Variants in FAM76B observed in about 807,000 individuals in gnomAD.
FAM76B encodes protein FAM76B.
FAM76B carries 16 observed loss-of-function variants against 51.8 expected under a neutral mutation model. The observed-to-expected ratio is 0.31, with a 90% confidence interval of 0.21 to 0.47. The LOEUF (loss-of-function observed/expected upper bound fraction) is 0.47. Among genes scored for constraint, FAM76B ranks in the 20% least tolerant of loss-of-function variants. The pLI is 1.00. For missense variants in FAM76B, 342 were observed against 392.6 expected (o/e 0.87, Z 1.09); for synonymous variants, 166 against 129.5 (o/e 1.28, Z -1.91).
intron 9 of FAM76B, among the ~76,000 whole-genome samples, chr11:95,774,985 C>A (rs925321987): frequency 2.7e-5 from 4 of 149,592 alleles, no homozygotes; most frequent in Non-Finnish European, 6.0e-5. Flanking sequence ...TAGCAAATAT[C>A]CTTTGGTGTT....
intron 9 of FAM76B, among the ~76,000 whole-genome samples, chr11:95,773,020 C>T (rs1315053253): frequency 6.6e-6 from 1 of 150,656 alleles, no homozygotes; most frequent in African/African-American, 2.4e-5. Flanking sequence ...AATTTTGAGT[C>T]TGCAAATTTG....
intron 7 of FAM76B, chr11:95,779,325 G>T: frequency 2.0e-6 from 1 of 505,812 alleles, no homozygotes; most frequent in Non-Finnish European, 3.4e-6. Flanking sequence ...AATTAGATTT[G>T]TGTTTCACTG....
Position 95,769,759 on chromosome 11 carries a change from G to C in FAM76B, c.*1802C>G, listed in dbSNP as rs531662196. The stretch of plus-strand genomic sequence containing the variant: ...TTAAGGCATTATCTATCATGGTTGA[G>C]AGTACTAAATTTAAGAAAATTATTA... On this transcript the variant is annotated 3_prime_UTR_variant, in exon 10 of 10. Coordinates refer to ENST00000358780, the MANE Select transcript of FAM76B (RefSeq NM_144664.5). 35 of 151,620 alleles carry C rather than the reference G, an allele frequency of 2.3e-4. No individual in the cohort carries two copies. Among genetic ancestry groups the C allele is most frequent in the Admixed American group, 1.2e-3 (18 of 15,194 alleles). The allele number at this position is 151,620 out of a possible 1,614,324, so 9.4% of individuals were successfully genotyped here. A position where few individuals can be genotyped will look rare whatever the true frequency, so the allele number is the denominator to read the frequency against.
chr11:95,789,614 C>T lies in FAM76B; in HGVS notation c.-136G>A. On this transcript the variant is annotated 5_prime_UTR_variant, in exon 1 of 10. Transcript: ENST00000358780. ...CTGCCTCGCGCCCACCAGGGCCTCGCCGCGAGAGCCCAGGGCCCCGCGGAC... is the reference window on the plus strand; with the variant it reads ...CTGCCTCGCGCCCACCAGGGCCTCGTCGCGAGAGCCCAGGGCCCCGCGGAC... 1.5e-6 allele frequency: 1 copy of T among 665,624 alleles called. No individual in the cohort carries two copies. Among genetic ancestry groups the T allele is most frequent in the African/African-American group, 1.9e-5 (1 of 51,544 alleles). 41.2% of individuals were successfully genotyped at this position (665,624 alleles called of 1,614,324 possible).
At position 95,769,960 on chromosome 11, in the gene FAM76B, A is replaced by T. The variant is rs1463142965; in HGVS notation, c.*1601T>A. 6.6e-6 allele frequency: 1 copy of T among 151,582 alleles called. No individual in the cohort carries two copies. Among genetic ancestry groups the T allele is most frequent in the Non-Finnish European group, 1.5e-5 (1 of 67,612 alleles). 9.4% of individuals were successfully genotyped at this position (151,582 alleles called of 1,614,324 possible). ...TTGAAACACGTCATGTTAAAAAAAA[A>T]TTGTTTCAATCATGTGTTCTTAAGA... On this transcript the variant is annotated 3_prime_UTR_variant, in exon 10 of 10. Coordinates refer to ENST00000358780, the MANE Select transcript of FAM76B (RefSeq NM_144664.5).
chr11:95,780,922 C>A (rs1402771729), intron 5 of FAM76B, among the ~76,000 whole-genome samples: 2 of 151,778 alleles, frequency 1.3e-5, no homozygotes, highest in Non-Finnish European at 2.9e-5. Context: ...ATTGGTTCAG[C>A]TGTAGAAGTT....
chr11:95,784,569 T>C (rs539590927), intron 4 of FAM76B, among the ~76,000 whole-genome samples: 2 of 148,466 alleles, frequency 1.3e-5, no homozygotes, highest in East Asian at 3.9e-4. Context: ...TGTGTGTATA[T>C]ATACACACAC....
chr11:95,776,475 G>C (rs185250596), intron 8 of FAM76B, among the ~76,000 whole-genome samples: 1 of 151,476 alleles, frequency 6.6e-6, no homozygotes, highest in East Asian at 1.9e-4. Context: ...AAAAAGGAAT[G>C]GTCTTTTCAG....
intron 4 of FAM76B, 53 bp downstream of exon 4, chr11:95,786,066 G>A (rs1478634514): frequency 5.1e-6 from 8 of 1,572,108 alleles, no homozygotes; most frequent in Non-Finnish European, 6.9e-6. Flanking sequence ...TTTCCAACTT[G>A]TTTGGCATTT....
At chr11:95,786,096 G>A (rs1292861701) in intron 4 of FAM76B, 23 bp downstream of exon 4, 1 of 1,586,094 alleles carries the variant, frequency 6.3e-7, no homozygotes. Flanking sequence ...TCCAGAAGAT[G>A]TCATAACATA....
Position 95,789,041 on chromosome 11 carries a change from G to C in FAM76B, c.87+351C>G, listed in dbSNP as rs1452646937. The C allele has an allele frequency of 5.1e-6, 7 of 1,380,500 alleles. No individual in the cohort carries two copies. The Admixed American group carries it at 1.4e-4, about 27-fold the overall frequency. The allele number at this position is 1,380,500 out of a possible 1,614,324, so 85.5% of individuals were successfully genotyped here. A position where few individuals can be genotyped will look rare whatever the true frequency, so the allele number is the denominator to read the frequency against. On this transcript the variant is annotated intron_variant, in intron 1 of 9. Transcript: ENST00000358780. ...TCCCCTGCCTCCTGGTGGAAGAAGAGGACAGACCAGGCAGAAAACCGAGAT... is the reference window on the plus strand; with the variant it reads ...TCCCCTGCCTCCTGGTGGAAGAAGACGACAGACCAGGCAGAAAACCGAGAT...
At chr11:95,781,577 T>G (rs1860270692) in intron 5 of FAM76B, among the ~76,000 whole-genome samples, 1 of 152,162 alleles carries the variant, frequency 6.6e-6, no homozygotes, top group South Asian at 2.1e-4. Context: ...TACATCATGC[T>G]AAGACAAATT....
In FAM76B at chr11:95,789,585, C is replaced by A; in HGVS notation, c.-107G>T. The A allele has an allele frequency of 2.1e-6, 2 of 962,260 alleles. No individual in the cohort carries two copies. Among genetic ancestry groups the A allele is most frequent in the South Asian group, 1.7e-5 (1 of 59,846 alleles). The allele number at this position is 962,260 out of a possible 1,614,324, so 59.6% of individuals were successfully genotyped here. ...GCCGCGGGCTCCTCCTCCTCCCCCT[C>A]CCCCTGCCTCGCGCCCACCAGGGCC... On this transcript the variant is annotated 5_prime_UTR_variant, in exon 1 of 10. Coordinates refer to ENST00000358780, the MANE Select transcript of FAM76B (RefSeq NM_144664.5).
intron 9 of FAM76B, among the ~76,000 whole-genome samples, chr11:95,774,380 G>T (rs1273786465): frequency 6.6e-6 from 1 of 151,398 alleles, no homozygotes; most frequent in Non-Finnish European, 1.5e-5. Context: ...CCAAGAGGAG[G>T]TAGGCCTAAG....
intron 3 of FAM76B, among the ~76,000 whole-genome samples, chr11:95,787,336 C>T (rs1204988065): frequency 6.6e-6 from 1 of 152,140 alleles, no homozygotes; most frequent in African/African-American, 2.4e-5. Flanking sequence ...TGAGTTCACG[C>T]CATTCTCCTG....
intron 7 of FAM76B, 106 bp from the exon 8 acceptor site, chr11:95,779,063 CA>C: frequency 6.3e-7 from 1 of 1,591,216 alleles, no homozygotes. Flanking sequence ...AAGGCTAATG[CA>C]AAAAAATATG....
chr11:95,788,821 A>G, intron 1 of FAM76B: 1 of 1,453,230 alleles, frequency 6.9e-7, no homozygotes, highest in South Asian at 1.2e-5. Context: ...GCCTATTTCA[A>G]GGATTGGTTA....
chr11:95,786,179 C>G lies in FAM76B; in HGVS notation c.303G>C (p.Gln101His), dbSNP rs1474007617. 1 of 1,614,016 alleles carries G rather than the reference C, an allele frequency of 6.2e-7. No individual in the cohort carries two copies. The highest frequency in any genetic ancestry group is 8.5e-7 in the Non-Finnish European group (1 of 1,180,014). ...TNSEKKYGPPQTCEQCKQQCA... is the reference protein window; with the variant it reads ...TNSEKKYGPPHTCEQCKQQCA... The stretch of plus-strand genomic sequence containing the variant: ...ATTGCTGTTTGCACTGTTCACAGGT[C>G]TGAGGTGGTCCATACTTTTTTTCTG... Residue 101 changes from glutamine (Q) to histidine (H), a missense_variant, in exon 4 of 10, where the codon CAG becomes CAC. Gln to His is a conservative substitution (Grantham distance 24). Coordinates refer to ENST00000358780, the MANE Select transcript of FAM76B (RefSeq NM_144664.5).
In FAM76B at chr11:95,779,898, G is replaced by A; in HGVS notation, c.592C>T (p.Gln198Ter). 1 of 1,605,118 alleles carries A rather than the reference G, an allele frequency of 6.2e-7. No individual in the cohort carries two copies. Among genetic ancestry groups the A allele is most frequent in the Non-Finnish European group, 8.5e-7 (1 of 1,176,306 alleles). ...ATTTACCTCTGTTTCCACAGTCCCT[G>A]CTCTTCTTCTGGACTTAGATTGCTG... ...KISNLSPEEEQGLWKQSHKSS... is the reference protein window; with the variant it reads ...KISNLSPEEE The change falls in exon 6 of 10, where the codon CAG becomes TAG. Residue 198 changes from glutamine to a stop codon, truncating the protein, a stop_gained. Coordinates refer to ENST00000358780, the MANE Select transcript of FAM76B (RefSeq NM_144664.5). LOFTEE classifies it high-confidence loss of function.
Sources: gnomAD v4.1 joint callset for allele counts (sites outside exome capture counted in the v4.1 genomes callset) on GRCh38, gnomAD v4.1.1 for gene constraint, MANE v1.5 for transcripts, NCBI Gene and HGNC (gene_info 2026-07-23, HGNC 2026-07-21) for gene names.